The following BACH2 variants were observed in gnomAD, a reference collection of about 807,000 sequenced individuals.
BACH2 encodes transcription regulator protein BACH2.
A neutral mutation model predicts 61.8 loss-of-function variants in BACH2; 5 were observed. The observed-to-expected ratio is 0.08, with a 90% CI of 0.04 to 0.17. The LOEUF (loss-of-function observed/expected upper bound fraction) is 0.17, where lower values mean the gene tolerates loss of function less well. Among genes scored for constraint, BACH2 ranks in the 10% least tolerant of loss-of-function variants. The pLI is 1.00. For synonymous variants in BACH2, 446 were observed against 440.1 expected (o/e 1.01, Z -0.17); for missense variants, 824 against 1,091.1 (o/e 0.76, Z 3.45).
chr6:90,047,396 T>G (rs994975046), intron 5 of BACH2, among the ~76,000 whole-genome samples: 6 of 152,184 alleles, frequency 3.9e-5, no homozygotes, highest in Admixed American at 3.3e-4. Context: ...GGCACGTCCA[T>G]GGTCCTGGAA....
chr6:90,193,882 G>A (rs1300935513), intron 4 of BACH2, among the ~76,000 whole-genome samples: 1 of 152,094 alleles, frequency 6.6e-6, no homozygotes, highest in Non-Finnish European at 1.5e-5. Flanking sequence ...AAAATTTTAG[G>A]ATTAAAAACA....
At chr6:90,081,586 G>A (rs180995197) in intron 5 of BACH2, among the ~76,000 whole-genome samples, 40 of 152,258 alleles carry the variant, frequency 2.6e-4, no homozygotes, top group African/African-American at 8.9e-4. Context: ...TACATACAAG[G>A]ACACAGAGGA....
chr6:89,950,103 G>A lies in BACH2; in HGVS notation c.1836+167C>T, dbSNP rs1260324628. The A allele has an allele frequency of 3.9e-6, 3 of 772,354 alleles. No homozygotes were observed. The highest frequency in any genetic ancestry group is 6.5e-6 in the Non-Finnish European group (3 of 459,726). 47.8% of individuals were successfully genotyped at this position (772,354 alleles called of 1,614,324 possible). ...TTCTAGGACAGAAGTGGTTAATGTGGAATCACCTTCAGCATCCTGCCTCTG... is the reference window on the plus strand; with the variant it reads ...TTCTAGGACAGAAGTGGTTAATGTGAAATCACCTTCAGCATCCTGCCTCTG... On this transcript the variant is annotated intron_variant, in intron 7 of 8. Transcript: ENST00000257749. The surrounding 1 kb of genome is among the most constrained non-coding windows in gnomAD (Gnocchi z 5.3).
At chr6:89,982,423 G>A (rs567793348) in intron 6 of BACH2, among the ~76,000 whole-genome samples, 22 of 152,212 alleles carry the variant, frequency 1.4e-4, no homozygotes, top group East Asian at 5.8e-4. Context: ...ATCATAACAA[G>A]GTACTAGAAA....
intron 4 of BACH2, among the ~76,000 whole-genome samples, chr6:90,100,036 C>A (rs547052717): frequency 6.6e-6 from 1 of 152,198 alleles, no homozygotes; most frequent in Admixed American, 6.5e-5. Flanking sequence ...TATTATGAGG[C>A]CTTTTGTGTC....
At chr6:90,262,162 C>T (rs1479486752) in intron 2 of BACH2, among the ~76,000 whole-genome samples, 1 of 152,202 alleles carries the variant, frequency 6.6e-6, no homozygotes, top group African/African-American at 2.4e-5. Flanking sequence ...TCCTCCACTA[C>T]CTTCTCCATG....
chr6:90,026,309 T>A (rs1392469094), intron 5 of BACH2, among the ~76,000 whole-genome samples: 1 of 152,128 alleles, frequency 6.6e-6, no homozygotes, highest in Non-Finnish European at 1.5e-5. Flanking sequence ...GCTATCAAAG[T>A]GCTATAATTA....
rs1554227943 is a variant in BACH2 at position 90,011,930 on chromosome 6, A to ATGTGTG, written c.-12-3075_-12-3074insCACACA. Among the ~76,000 whole-genome samples the ATGTGTG allele has an allele frequency of 1.6e-4, 16 of 98,768 alleles. 1 individual carries two copies. Among genetic ancestry groups the ATGTGTG allele is most frequent in the South Asian group, 1.1e-3 (3 of 2,648 alleles). The allele number at this position is 98,768 out of a possible 152,430, so 64.8% of individuals were successfully genotyped here. A position where few individuals can be genotyped will look rare whatever the true frequency, so the allele number is the denominator to read the frequency against. On this transcript the variant is annotated intron_variant, in intron 5 of 8. Transcript: ENST00000257749. ...GCAAGACTCTGTCTCAAAAAAAAAAATATGTGTGTGTGTGTGTGTGTGTGT... is the reference window on the plus strand; with the variant it reads ...GCAAGACTCTGTCTCAAAAAAAAAAATGTGTGTATGTGTGTGTGTGTGTGTGTGTGT...
chr6:90,266,308 C>T (rs576067999), intron 2 of BACH2, among the ~76,000 whole-genome samples: 9 of 152,244 alleles, frequency 5.9e-5, no homozygotes, highest in Non-Finnish European at 7.4e-5. Flanking sequence ...TCTGGCCCCA[C>T]GACTGACCCA....
chr6:90,173,845 T>C (rs377480069), intron 4 of BACH2, among the ~76,000 whole-genome samples: 1 of 152,172 alleles, frequency 6.6e-6, no homozygotes, highest in African/African-American at 2.4e-5. Context: ...TTAATAAAGC[T>C]AGTAAAAAGA....
At chr6:89,978,633 TAAA>T (rs753724278) in intron 6 of BACH2, among the ~76,000 whole-genome samples, 5 of 86,032 alleles carry the variant, frequency 5.8e-5, no homozygotes, top group Non-Finnish European at 9.1e-5. Flanking sequence ...GTGTTGGCTT[TAAA>T]AAAAAAAAAA....
At chr6:89,989,728 CT>C (rs1335289538) in intron 6 of BACH2, among the ~76,000 whole-genome samples, 2 of 152,162 alleles carry the variant, frequency 1.3e-5, no homozygotes, top group Non-Finnish European at 2.9e-5. Flanking sequence ...TTGAAGAATT[CT>C]CATGAAATGC....
intron 4 of BACH2, among the ~76,000 whole-genome samples, chr6:90,115,286 A>G (rs1412820762): frequency 6.6e-6 from 1 of 152,224 alleles, no homozygotes; most frequent in Admixed American, 6.5e-5. Context: ...ATAAGGCTAT[A>G]GTGACCAAAA....
At chr6:90,242,434 T>C (rs532280574) in intron 3 of BACH2, among the ~76,000 whole-genome samples, 84 of 152,352 alleles carry the variant, frequency 5.5e-4, no homozygotes, top group African/African-American at 1.9e-3. Context: ...TTCTTTTTAG[T>C]GCTGAATAAT....
intron 2 of BACH2, among the ~76,000 whole-genome samples, chr6:90,269,579 AAGGGGTAACCAGC>A (rs1771454279): frequency 6.6e-6 from 1 of 152,186 alleles, no homozygotes; most frequent in African/African-American, 2.4e-5. Context: ...GATTCCCACC[AAGGGGTAACCAGC>A]ATCAAAAGAC....
chr6:90,102,202 C>A (rs571838247), intron 4 of BACH2, among the ~76,000 whole-genome samples: 3 of 152,122 alleles, frequency 2.0e-5, no homozygotes, highest in East Asian at 1.9e-4. Flanking sequence ...GGGTAATGAT[C>A]CTGCTTTTGG....
chr6:89,959,764 T>A (rs1774636275), intron 6 of BACH2, among the ~76,000 whole-genome samples: 2 of 152,246 alleles, frequency 1.3e-5, no homozygotes, highest in African/African-American at 4.8e-5. Flanking sequence ...TTATTTACTA[T>A]TGTCTCTCGG....
intron 4 of BACH2, among the ~76,000 whole-genome samples, chr6:90,128,450 G>A (rs1168773446): frequency 2.0e-5 from 3 of 152,102 alleles, no homozygotes; most frequent in Non-Finnish European, 4.4e-5. Context: ...GTGTGATGGC[G>A]GGCGCCTGTA....
At chr6:89,977,368 T>C (rs1359137161) in intron 6 of BACH2, among the ~76,000 whole-genome samples, 1 of 152,244 alleles carries the variant, frequency 6.6e-6, no homozygotes, top group Non-Finnish European at 1.5e-5. Flanking sequence ...TCTGAGCTAT[T>C]GGATTTGCCA....
Sources: gnomAD v4.1 joint callset for allele counts (sites outside exome capture counted in the v4.1 genomes callset) on GRCh38, gnomAD v4.1.1 for gene constraint, Gnocchi (gnomAD v3.1) non-coding constraint, MANE v1.5 for transcripts, NCBI Gene and HGNC (gene_info 2026-07-23, HGNC 2026-07-21) for gene names.